B4GALNT2: variants seen among roughly 807,000 people sequenced by gnomAD.
B4GALNT2 encodes the protein beta-1,4-N-acetyl-galactosaminyltransferase 2 (SID blood group).
In B4GALNT2, 42 loss-of-function variants were observed where a neutral mutation model predicts 51.1. That is an observed-to-expected ratio of 0.82 (90% confidence interval 0.64 to 1.06). The LOEUF (loss-of-function observed/expected upper bound fraction) is 1.06, where lower values mean the gene tolerates loss of function less well. Ranked by LOEUF, B4GALNT2 falls within the 50% of genes least tolerant of loss-of-function variation. B4GALNT2 has a pLI of 0.00. For synonymous variants in B4GALNT2, 253 were observed against 251.7 expected (o/e 1.01, Z -0.05); for missense variants, 602 against 633.6 (o/e 0.95, Z 0.54).
At chr17:49,148,602 G>T in intron 3 of B4GALNT2, 1 of 485,118 alleles carries the variant, frequency 2.1e-6, no homozygotes. Context: ...GGTAAGGTAC[G>T]CGTAGAAATG....
In B4GALNT2 at chr17:49,152,915, A is replaced by T; in HGVS notation, c.460+9A>T. 2 of 1,597,382 alleles carry T rather than the reference A, an allele frequency of 1.3e-6. No individual in the cohort carries two copies. Among genetic ancestry groups the T allele is most frequent in the Non-Finnish European group, 1.7e-6 (2 of 1,168,288 alleles). The stretch of plus-strand genomic sequence containing the variant: ...CACGGTTCCCATCCCAGGTAAGTAC[A>T]TCCACATACCAAGAGACCCCAGACA... On this transcript the variant is annotated intron_variant, in intron 4 of 10. Transcript: ENST00000393354.
chr17:49,136,419 T>C (rs1404405537), intron 1 of B4GALNT2, among the ~76,000 whole-genome samples: 2 of 152,042 alleles, frequency 1.3e-5, no homozygotes, highest in South Asian at 2.1e-4. Flanking sequence ...AAGTTTTAAT[T>C]TTTTAAGGGC....
upstream of B4GALNT2, among the ~76,000 whole-genome samples, chr17:49,132,256 T>C (rs2042545662): frequency 6.6e-6 from 1 of 152,174 alleles, no homozygotes; most frequent in African/African-American, 2.4e-5. Flanking sequence ...TCATCTGAAG[T>C]TCAACAGACT....
chr17:49,154,217 T>G (rs1305726976), intron 4 of B4GALNT2, among the ~76,000 whole-genome samples: 1 of 151,856 alleles, frequency 6.6e-6, no homozygotes, highest in Non-Finnish European at 1.5e-5. Flanking sequence ...GCCAAACTGG[T>G]CTCGAACTCC....
At chr17:49,156,483 G>T (rs1438503194) in intron 4 of B4GALNT2, 83 bp from the exon 5 acceptor site, 2 of 1,427,184 alleles carry the variant, frequency 1.4e-6, no homozygotes, top group African/African-American at 1.4e-5. Context: ...GGATGTGCAG[G>T]AGTCCATGAG....
intron 7 of B4GALNT2, 118 bp from the exon 8 acceptor site, chr17:49,163,970 G>T: frequency 1.1e-6 from 1 of 946,618 alleles, no homozygotes; most frequent in South Asian, 1.8e-5. Context: ...GGTACAAGAG[G>T]CATGAGACCC....
chr17:49,168,654 A>G, intron 9 of B4GALNT2, 27 bp from the exon 10 acceptor site: 1 of 1,605,548 alleles, frequency 6.2e-7, no homozygotes, highest in South Asian at 1.1e-5. Context: ...CTGCACTCTA[A>G]CATGGATTTC....
At chr17:49,126,433 C>T in the B4GALNT2 span, among the ~76,000 whole-genome samples, 1 of 151,200 alleles carries the variant, frequency 6.6e-6, no homozygotes, top group Non-Finnish European at 1.5e-5. Flanking sequence ...CTGACCTTCC[C>T]TCCACTATTG....
In B4GALNT2 at chr17:49,173,568, A is replaced by G. The variant is rs546965725; in HGVS notation, c.*3840A>G. ...GATTATCAAGAATACCCACAAAGTC[A>G]GCTAAATGGGTTTGCCAGGTAAGAC... is the stretch of plus-strand genomic sequence containing the variant. On this transcript the variant is annotated 3_prime_UTR_variant, in exon 11 of 11. Coordinates refer to ENST00000393354, the MANE Select transcript of B4GALNT2 (RefSeq NM_001159387.2). The G allele has an allele frequency of 6.6e-6, 1 of 152,366 alleles. No individual in the cohort carries two copies. The highest frequency in any genetic ancestry group is 2.1e-4 in the South Asian group (1 of 4,828). 9.4% of individuals were successfully genotyped at this position (152,366 alleles called of 1,614,324 possible). A position where few individuals can be genotyped will look rare whatever the true frequency, so the allele number is the denominator to read the frequency against.
chr17:49,153,129 G>T (rs1414960321), intron 4 of B4GALNT2, among the ~76,000 whole-genome samples: 1 of 151,268 alleles, frequency 6.6e-6, no homozygotes, highest in Non-Finnish European at 1.5e-5. Context: ...AACATAAAAG[G>T]GGCCGGGTGC....
At chr17:49,142,561 A>G (rs1364150559) in intron 3 of B4GALNT2, among the ~76,000 whole-genome samples, 1 of 152,180 alleles carries the variant, frequency 6.6e-6, no homozygotes, top group East Asian at 1.9e-4. Flanking sequence ...GCATGATGGT[A>G]CATGCCTGTA....
At chr17:49,152,667 G>A (rs892222972) in intron 3 of B4GALNT2, 133 bp from the exon 4 acceptor site, 3 of 607,396 alleles carry the variant, frequency 4.9e-6, no homozygotes, top group African/African-American at 3.8e-5. Flanking sequence ...CGAGAATGGA[G>A]GGAGACAGGG....
chr17:49,133,225 T>TG (rs2042557373), intron 1 of B4GALNT2: 1 of 1,482,948 alleles, frequency 6.7e-7, no homozygotes, highest in Admixed American at 2.8e-5. Context: ...CAGGGGTATG[T>TG]GAGTGCCCGG....
chr17:49,126,297 G>T, the B4GALNT2 span, among the ~76,000 whole-genome samples: 7 of 152,064 alleles, frequency 4.6e-5, no homozygotes, highest in East Asian at 3.9e-4. Context: ...GATGCTTGAC[G>T]GCAGCATGCT....
At position 49,142,119 on chromosome 17, in the gene B4GALNT2, C is replaced by T; in HGVS notation, c.300C>T (p.Asp100=). Residue 100 remains aspartate (D), a synonymous_variant, in exon 3 of 11, where the codon GAC becomes GAT. Coordinates refer to ENST00000393354, the MANE Select transcript of B4GALNT2 (RefSeq NM_001159387.2). Reference sequence around the variant, plus strand: ...TTCAGGATGCCTATGGCCAGAGCGACCTCCCAGCGGTGAAAGCGAGGAGAC... The same window carrying T: ...TTCAGGATGCCTATGGCCAGAGCGATCTCCCAGCGGTGAAAGCGAGGAGAC... ...YNFQDAYGQS[D]LPAVKARRQA... The T allele has an allele frequency of 6.2e-7, 1 of 1,614,090 alleles. No individual in the cohort carries two copies. The highest frequency in any genetic ancestry group is 1.1e-5 in the South Asian group (1 of 91,078).
rs12936023 is a variant in B4GALNT2, at chr17:49,171,906, G to A, written c.*2178G>A. Reference sequence around the variant, plus strand: ...CAATTATAGGAGCAGATTTATTATGGTAAATATTAAGAGCAGAAAGCATGT... The same window carrying A: ...CAATTATAGGAGCAGATTTATTATGATAAATATTAAGAGCAGAAAGCATGT... On this transcript the variant is annotated 3_prime_UTR_variant, in exon 11 of 11. Coordinates refer to ENST00000393354, the MANE Select transcript of B4GALNT2 (RefSeq NM_001159387.2). The A allele has an allele frequency of 0.013, 3,855 of 305,736 alleles. 43 individuals are homozygous for A. The highest frequency in any genetic ancestry group is 0.021 in the Admixed American group (446 of 20,768). 18.9% of individuals were successfully genotyped at this position (305,736 alleles called of 1,614,324 possible). A position where few individuals can be genotyped will look rare whatever the true frequency, so the allele number is the denominator to read the frequency against.
chr17:49,145,167 C>T (rs1299898559), intron 3 of B4GALNT2, among the ~76,000 whole-genome samples: 1 of 152,082 alleles, frequency 6.6e-6, no homozygotes, highest in Non-Finnish European at 1.5e-5. Context: ...TAGTATTAAC[C>T]AGCACAAGTC....
At chr17:49,150,070 G>A (rs948207855) in intron 3 of B4GALNT2, among the ~76,000 whole-genome samples, 1 of 105,468 alleles carries the variant, frequency 9.5e-6, no homozygotes, top group Non-Finnish European at 2.1e-5. Context: ...TTTGGAGGTC[G>A]GGGGGGGTCA....
At chr17:49,157,326 ATT>A (rs34444544) in intron 5 of B4GALNT2, among the ~76,000 whole-genome samples, 5 of 146,836 alleles carry the variant, frequency 3.4e-5, no homozygotes, top group African/African-American at 1.3e-4. Flanking sequence ...AACCTGGTTA[ATT>A]TTTTTTTTTT....
Sources: gnomAD v4.1 joint callset for allele counts (sites outside exome capture counted in the v4.1 genomes callset) on GRCh38, gnomAD v4.1.1 for gene constraint, MANE v1.5 for transcripts, NCBI Gene and HGNC (gene_info 2026-07-23, HGNC 2026-07-21) for gene names.